TMEM132D: variants seen among roughly 807,000 people sequenced by gnomAD.
TMEM132D encodes transmembrane protein 132D.
Under a neutral mutation model 62.3 loss-of-function variants are expected in TMEM132D, and 21 were observed. The observed-to-expected ratio is 0.34, with a 90% CI of 0.24 to 0.49. The LOEUF is 0.49. Ranked by LOEUF, TMEM132D falls within the 20% of genes least tolerant of loss-of-function variation. The pLI, the probability that TMEM132D is intolerant of heterozygous loss-of-function variation, is 0.99. For missense variants in TMEM132D, 1,346 were observed against 1,402.8 expected, an observed-to-expected ratio of 0.96 and a Z score of 0.65; for synonymous variants, 621 against 575.6, an observed-to-expected ratio of 1.08 and a Z score of -1.13.
chr12:129,404,628 G>A (rs556733629), intron 3 of TMEM132D, among the ~76,000 whole-genome samples: 2 of 152,336 alleles, frequency 1.3e-5, no homozygotes, highest in Admixed American at 1.3e-4. Context: ...AGCAGGAGAA[G>A]GAGCCATCAC....
chr12:129,743,650 T>G (rs979885820), intron 1 of TMEM132D, among the ~76,000 whole-genome samples: 1 of 152,156 alleles, frequency 6.6e-6, no homozygotes, highest in African/African-American at 2.4e-5. Flanking sequence ...CCCTAATCCT[T>G]GAAACCTGTG....
intron 4 of TMEM132D, among the ~76,000 whole-genome samples, chr12:129,213,815 T>C (rs1355115270): frequency 1.3e-5 from 2 of 152,152 alleles, no homozygotes; most frequent in African/African-American, 2.4e-5. Context: ...ATACCTCCCA[T>C]GGCCCTACCT....
At chr12:129,396,970 G>T (rs144834879) in intron 3 of TMEM132D, among the ~76,000 whole-genome samples, 307 of 152,234 alleles carry the variant, frequency 2.0e-3, no homozygotes, top group African/African-American at 7.1e-3. Context: ...ACCTGAGATG[G>T]TGACTTAAAA....
chr12:129,502,025 G>C (rs1327953258), intron 3 of TMEM132D, among the ~76,000 whole-genome samples: 1 of 151,700 alleles, frequency 6.6e-6, no homozygotes, highest in Non-Finnish European at 1.5e-5. Flanking sequence ...TTGAGAGATG[G>C]AGTCTCGCTC....
intron 1 of TMEM132D, among the ~76,000 whole-genome samples, chr12:129,764,594 ATGTGTGTG>A (rs10542789): frequency 6.6e-6 from 1 of 151,578 alleles, no homozygotes; most frequent in African/African-American, 2.4e-5. Context: ...GTGTGTTTGT[ATGTGTGTG>A]TGTGTGTGTT....
At chr12:129,726,371 C>T (rs1322617380) in intron 1 of TMEM132D, among the ~76,000 whole-genome samples, 4 of 152,170 alleles carry the variant, frequency 2.6e-5, no homozygotes, top group South Asian at 2.1e-4. Context: ...TAGGAGGTGG[C>T]CATGTAAATA....
intron 2 of TMEM132D, among the ~76,000 whole-genome samples, chr12:129,685,685 G>T (rs1880893464): frequency 6.6e-6 from 1 of 152,144 alleles, no homozygotes; most frequent in Non-Finnish European, 1.5e-5. Context: ...GACCCTAGAA[G>T]AAGACCACCA....
chr12:129,074,641 G>A lies in TMEM132D; in HGVS notation c.2534C>T (p.Ser845Phe), dbSNP rs2135603966. 1.9e-6 allele frequency: 3 copies of A among 1,614,072 alleles called. No homozygotes were observed. The highest frequency in any genetic ancestry group is 1.6e-4 in the Middle Eastern group (1 of 6,062). ...CCGTCCCTCCATGAGTCCCATAGAA[G>A]AACTGCCATAGTACTGTCCTTCCTG... Reference protein sequence around the residue: ...GSQEGQYYGSSSMGLMEGRGT... With the variant: ...GSQEGQYYGSFSMGLMEGRGT... Residue 845 changes from serine to phenylalanine, a missense_variant, in exon 9 of 9, where the codon TCT becomes TTT. Physicochemically the swap from Ser to Phe is radical, Grantham distance 155 (BLOSUM62 -2). Transcript: ENST00000422113.
At chr12:129,142,456 T>C (rs572996497) in intron 5 of TMEM132D, among the ~76,000 whole-genome samples, 2 of 152,350 alleles carry the variant, frequency 1.3e-5, no homozygotes, top group East Asian at 3.9e-4. Context: ...TTATATCCTT[T>C]GATTACTGTG....
At chr12:129,477,253 G>A (rs1593028917) in intron 3 of TMEM132D, among the ~76,000 whole-genome samples, 2 of 152,080 alleles carry the variant, frequency 1.3e-5, no homozygotes, top group South Asian at 4.1e-4. Context: ...AAGATGAGAC[G>A]TTTGATTTCT....
chr12:129,896,787 T>C (rs1875153594), intron 1 of TMEM132D, among the ~76,000 whole-genome samples: 1 of 152,206 alleles, frequency 6.6e-6, no homozygotes, highest in South Asian at 2.1e-4. Context: ...AATTTCCCTT[T>C]ATTTATATAC....
intron 2 of TMEM132D, among the ~76,000 whole-genome samples, chr12:129,642,257 A>C (rs980301210): frequency 6.6e-6 from 1 of 152,212 alleles, no homozygotes; most frequent in Non-Finnish European, 1.5e-5. Context: ...CCTAAATTCC[A>C]CTTTCTGTGG....
intron 1 of TMEM132D, among the ~76,000 whole-genome samples, chr12:129,900,489 C>T (rs907649197): frequency 1.3e-5 from 2 of 152,208 alleles, no homozygotes; most frequent in Non-Finnish European, 2.9e-5. Context: ...CAGCCCCGCT[C>T]GCAATGTTGC....
intron 5 of TMEM132D, among the ~76,000 whole-genome samples, chr12:129,120,687 A>G (rs1270906719): frequency 2.0e-5 from 3 of 152,202 alleles, no homozygotes; most frequent in African/African-American, 7.2e-5. Context: ...AGATAAGTAC[A>G]ATATTCATAT....
intron 1 of TMEM132D, among the ~76,000 whole-genome samples, chr12:129,788,511 C>G (rs1871304592): frequency 6.6e-6 from 1 of 152,122 alleles, no homozygotes; most frequent in Non-Finnish European, 1.5e-5. Flanking sequence ...AGAGATATAG[C>G]TATAAATACA....
intron 1 of TMEM132D, among the ~76,000 whole-genome samples, chr12:129,850,851 G>T (rs1247759743): frequency 6.6e-6 from 1 of 152,070 alleles, no homozygotes; most frequent in African/African-American, 2.4e-5. Context: ...TTCCATGTGA[G>T]GACACAAAAT....
intron 3 of TMEM132D, among the ~76,000 whole-genome samples, chr12:129,526,158 A>G (rs189260119): frequency 6.6e-6 from 1 of 152,308 alleles, no homozygotes; most frequent in Non-Finnish European, 1.5e-5. Flanking sequence ...GGATCCTAAT[A>G]AAGTGAAGGA....
intron 1 of TMEM132D, among the ~76,000 whole-genome samples, chr12:129,851,524 C>G (rs1364242275): frequency 6.6e-6 from 1 of 152,156 alleles, no homozygotes; most frequent in East Asian, 1.9e-4. Flanking sequence ...TACAAAAGCA[C>G]AAGAATGTTT....
At chr12:129,384,958 T>C (rs1480562430) in intron 3 of TMEM132D, among the ~76,000 whole-genome samples, 1 of 152,142 alleles carries the variant, frequency 6.6e-6, no homozygotes, top group Non-Finnish European at 1.5e-5. Flanking sequence ...GCAACAGAAA[T>C]GTGTGTTTAC....
Sources: gnomAD v4.1 joint callset for allele counts (sites outside exome capture counted in the v4.1 genomes callset) on GRCh38, gnomAD v4.1.1 for gene constraint, MANE v1.5 for transcripts, NCBI Gene and HGNC (gene_info 2026-07-23, HGNC 2026-07-21) for gene names.